The following SLC39A8 variants were observed in gnomAD, a reference collection of about 807,000 sequenced individuals.
SLC39A8 encodes metal cation symporter ZIP8.
In SLC39A8, 15 loss-of-function variants were observed where a neutral mutation model predicts 40.4. That is an observed-to-expected ratio of 0.37 (90% CI 0.25 to 0.57). The LOEUF (loss-of-function observed/expected upper bound fraction) is 0.57. SLC39A8 is among the 20% of genes least tolerant of loss of function. The pLI is 0.75. For missense variants in SLC39A8, 472 were observed against 558.8 expected (o/e 0.84, Z 1.57); for synonymous variants, 223 against 221.6 (o/e 1.01, Z -0.06).
chr4:102,342,644 A>G (rs930886811), intron 2 of SLC39A8, among the ~76,000 whole-genome samples: 1 of 152,224 alleles, frequency 6.6e-6, no homozygotes, highest in African/African-American at 2.4e-5. Context: ...GGGCAGTTAA[A>G]TATGCAAACA....
intron 2 of SLC39A8, among the ~76,000 whole-genome samples, chr4:102,321,520 G>A (rs550968918): frequency 2.6e-4 from 39 of 152,282 alleles, no homozygotes; most frequent in South Asian, 8.3e-4. Context: ...CTGAGAGGTC[G>A]TTTTTTTCTT....
Position 102,279,052 on chromosome 4 carries a change from G to A in SLC39A8, c.841-10973C>T, listed in dbSNP as rs978783809. Among the ~76,000 whole-genome samples the A allele has an allele frequency of 3.9e-5, 6 of 152,036 alleles. No homozygotes were observed. In the East Asian group the frequency reaches 7.7e-4, roughly 20 times the overall value. ...AGGAGAAATAACTAATGTAGATGAC[G>A]GGTTGATGGATGCAGCAAATCACCA... On this transcript the variant is annotated intron_variant, in intron 6 of 8. Coordinates refer to ENST00000356736, the MANE Select transcript of SLC39A8 (RefSeq NM_001135146.2).
chr4:102,291,887 G>A (rs1733463842), intron 6 of SLC39A8, among the ~76,000 whole-genome samples: 1 of 151,802 alleles, frequency 6.6e-6, no homozygotes, highest in African/African-American at 2.4e-5. Context: ...AGGAAATCCT[G>A]TCATTTCCTT....
chr4:102,261,943 C>G lies in SLC39A8; in HGVS notation c.*1101G>C. The G allele has an allele frequency of 1.0e-6, 1 of 985,846 alleles. No individual in the cohort carries two copies. 61.1% of individuals were successfully genotyped at this position (985,846 alleles called of 1,614,324 possible). ...TTTCTCTATCTTCTAAATGAGTAAACAGGCTCTGTCTTTTATAAAAGGTAG... is the reference window on the plus strand; with the variant it reads ...TTTCTCTATCTTCTAAATGAGTAAAGAGGCTCTGTCTTTTATAAAAGGTAG... On this transcript the variant is annotated 3_prime_UTR_variant, in exon 9 of 9. Transcript: ENST00000356736.
intron 6 of SLC39A8, among the ~76,000 whole-genome samples, chr4:102,274,810 A>C (rs532094072): frequency 4.6e-4 from 70 of 152,354 alleles, no homozygotes; most frequent in African/African-American, 1.6e-3. Context: ...ACATTCTTAA[A>C]TAAAAGAATT....
downstream of SLC39A8, among the ~76,000 whole-genome samples, chr4:102,258,369 A>G (rs1416412442): frequency 1.3e-5 from 2 of 152,100 alleles, no homozygotes; most frequent in African/African-American, 4.8e-5. Context: ...GGAGTGAAGG[A>G]CTGGCTAGCC....
intron 2 of SLC39A8, among the ~76,000 whole-genome samples, chr4:102,331,214 A>G (rs1256746776): frequency 1.3e-5 from 2 of 152,204 alleles, no homozygotes; most frequent in Non-Finnish European, 2.9e-5. Context: ...GTATTCAAAC[A>G]GGAAAAGAAG....
At chr4:102,300,127 A>AT (rs1273199000) in intron 6 of SLC39A8, among the ~76,000 whole-genome samples, 1 of 152,040 alleles carries the variant, frequency 6.6e-6, no homozygotes, top group Non-Finnish European at 1.5e-5. Flanking sequence ...CTTTTCCCCA[A>AT]AAAGCATGCA....
At chr4:102,293,586 G>C (rs558204695) in intron 6 of SLC39A8, among the ~76,000 whole-genome samples, 1 of 151,982 alleles carries the variant, frequency 6.6e-6, no homozygotes, top group African/African-American at 2.4e-5. Context: ...TAATCAACTA[G>C]AAAACAGTAG....
chr4:102,313,224 C>T (rs1243985685), intron 3 of SLC39A8, among the ~76,000 whole-genome samples: 1 of 152,128 alleles, frequency 6.6e-6, no homozygotes, highest in African/African-American at 2.4e-5. Flanking sequence ...CTACCACATG[C>T]AAGTTGTGTA....
chr4:102,314,756 A>G (rs1734584503), intron 3 of SLC39A8, among the ~76,000 whole-genome samples: 1 of 151,978 alleles, frequency 6.6e-6, no homozygotes. Context: ...ATCACCTTCT[A>G]TCCCTCACCT....
chr4:102,284,894 G>A (rs998217197), intron 6 of SLC39A8, among the ~76,000 whole-genome samples: 1 of 152,040 alleles, frequency 6.6e-6, no homozygotes, highest in Admixed American at 6.6e-5. Flanking sequence ...TTTGTAACCT[G>A]GTAATAGAGG....
intron 2 of SLC39A8, among the ~76,000 whole-genome samples, chr4:102,328,842 G>A (rs1338828083): frequency 1.3e-5 from 2 of 152,010 alleles, no homozygotes; most frequent in East Asian, 1.9e-4. Context: ...TGGTTAACAC[G>A]GTGAAACCCC....
chr4:102,320,168 CATATATAT>C (rs70937533), intron 2 of SLC39A8, among the ~76,000 whole-genome samples: 14 of 101,934 alleles, frequency 1.4e-4, no homozygotes, highest in African/African-American at 4.6e-4. Flanking sequence ...TATATATATA[CATATATAT>C]ATATATATAT....
intron 2 of SLC39A8, among the ~76,000 whole-genome samples, chr4:102,341,188 T>G (rs1439709910): frequency 6.6e-6 from 1 of 152,060 alleles, no homozygotes; most frequent in Non-Finnish European, 1.5e-5. Flanking sequence ...AGAAAAAAAC[T>G]ATGTGCACTA....
chr4:102,324,804 C>T (rs1735124691), intron 2 of SLC39A8, among the ~76,000 whole-genome samples: 1 of 152,128 alleles, frequency 6.6e-6, no homozygotes, highest in African/African-American at 2.4e-5. Context: ...AATTGAAATA[C>T]ATACATTTAA....
intron 8 of SLC39A8, 26 bp from the exon 9 acceptor site, chr4:102,263,219 A>T: frequency 6.2e-7 from 1 of 1,604,548 alleles, no homozygotes; most frequent in Non-Finnish European, 8.5e-7. Context: ...ATTGTTAGAT[A>T]ACTGTTGCCA....
downstream of SLC39A8, among the ~76,000 whole-genome samples, chr4:102,257,791 T>G (rs72924814): frequency 0.097 from 14,842 of 152,244 alleles, 2,374 homozygotes; most frequent in African/African-American, 0.33. Flanking sequence ...TTACTAACAC[T>G]GAACTCCAAA....
chr4:102,331,529 A>C (rs894415289), intron 2 of SLC39A8, among the ~76,000 whole-genome samples: 7 of 152,218 alleles, frequency 4.6e-5, no homozygotes, highest in African/African-American at 1.7e-4. Flanking sequence ...ACACAAACAA[A>C]TGAAAAACAT....
Sources: gnomAD v4.1 joint callset for allele counts (sites outside exome capture counted in the v4.1 genomes callset) on GRCh38, gnomAD v4.1.1 for gene constraint, MANE v1.5 for transcripts, NCBI Gene and HGNC (gene_info 2026-07-23, HGNC 2026-07-21) for gene names.